The following ITPR2 variants were observed in gnomAD, a reference collection of about 807,000 sequenced individuals.
ITPR2 encodes inositol 1,4,5-trisphosphate receptor type 2, also known as inositol 1,4,5-trisphosphate-gated calcium channel ITPR2.
ITPR2 carries 207 observed loss-of-function variants against 317.1 expected under a neutral mutation model. The ratio of observed to expected loss-of-function variants is 0.65; its 90% confidence interval spans 0.58 to 0.73. ITPR2 has a LOEUF of 0.73. Among genes scored for constraint, ITPR2 ranks in the 30% least tolerant of loss-of-function variants. The pLI is 0.00. For missense variants in ITPR2, 2,613 were observed against 3,284.0 expected, an observed-to-expected ratio of 0.80 and a Z score of 4.99; for synonymous variants, 1,156 against 1,149.1, an observed-to-expected ratio of 1.01 and a Z score of -0.12.
At chr12:26,646,627 A>T (rs965254596) in intron 21 of ITPR2, among the ~76,000 whole-genome samples, 3 of 152,180 alleles carry the variant, frequency 2.0e-5, no homozygotes, top group African/African-American at 7.2e-5. Flanking sequence ...GGTTGGGTCC[A>T]CAGGGCTGTA....
intron 2 of ITPR2, among the ~76,000 whole-genome samples, chr12:26,771,572 C>T (rs1042476466): frequency 5.3e-5 from 8 of 152,084 alleles, no homozygotes; most frequent in East Asian, 1.9e-4. Context: ...TGGAGTGCAG[C>T]GGTGCGATCT....
chr12:26,539,842 AACATG>A (rs1301848794), intron 37 of ITPR2, among the ~76,000 whole-genome samples: 1 of 152,256 alleles, frequency 6.6e-6, no homozygotes, highest in Non-Finnish European at 1.5e-5. Context: ...TGCAAAGTAT[AACATG>A]ACATGATATG....
At chr12:26,772,358 TTTAGCCC>T (rs1230015286) in intron 2 of ITPR2, among the ~76,000 whole-genome samples, 3 of 147,738 alleles carry the variant, frequency 2.0e-5, no homozygotes, top group Non-Finnish European at 4.5e-5. Context: ...TATCTTTTGA[TTTAGCCC>T]TTATCACTTT....
At chr12:26,751,864 T>TAA (rs58449510) in intron 2 of ITPR2, among the ~76,000 whole-genome samples, 4 of 132,938 alleles carry the variant, frequency 3.0e-5, no homozygotes, top group African/African-American at 2.9e-5. Context: ...AGACTCTATC[T>TAA]AAAAAAAAAA....
chr12:26,795,678 G>A (rs1950423141), intron 1 of ITPR2, among the ~76,000 whole-genome samples: 1 of 152,138 alleles, frequency 6.6e-6, no homozygotes, highest in African/African-American at 2.4e-5. Context: ...ATTTGTAGAA[G>A]CATATTATAA....
intron 31 of ITPR2, 25 bp downstream of exon 31, chr12:26,596,858 G>C (rs767000829): frequency 1.3e-6 from 2 of 1,510,504 alleles, no homozygotes; most frequent in Non-Finnish European, 1.8e-6. Flanking sequence ...TTCTATTAGA[G>C]CTGCTAAGCT....
At chr12:26,707,630 C>A (rs564010399) in intron 9 of ITPR2, among the ~76,000 whole-genome samples, 13 of 152,312 alleles carry the variant, frequency 8.5e-5, no homozygotes, top group African/African-American at 3.1e-4. Context: ...CTCCCAGGTT[C>A]AAGCAATTCT....
At chr12:26,764,097 T>C (rs1949679699) in intron 2 of ITPR2, among the ~76,000 whole-genome samples, 1 of 151,950 alleles carries the variant, frequency 6.6e-6, no homozygotes, top group African/African-American at 2.4e-5. Context: ...GGCAATAAAA[T>C]TAAGTAAAGG....
At chr12:26,351,656 A>G (rs1349898783) in intron 55 of ITPR2, among the ~76,000 whole-genome samples, 2 of 152,096 alleles carry the variant, frequency 1.3e-5, no homozygotes, top group South Asian at 2.1e-4. Flanking sequence ...CCCTGTCTCA[A>G]AAAAGGAAGA....
chr12:26,513,883 C>T (rs1039838826), intron 37 of ITPR2, among the ~76,000 whole-genome samples: 4 of 152,186 alleles, frequency 2.6e-5, no homozygotes, highest in South Asian at 4.1e-4. Context: ...ACATGTATGT[C>T]ATCAACTATT....
intron 43 of ITPR2, among the ~76,000 whole-genome samples, chr12:26,478,213 T>C (rs1942459861): frequency 6.6e-6 from 1 of 152,140 alleles, no homozygotes; most frequent in Non-Finnish European, 1.5e-5. Flanking sequence ...ATAGTGACGA[T>C]GATGAAGATG....
At chr12:26,480,465 G>A (rs532465959) in intron 43 of ITPR2, among the ~76,000 whole-genome samples, 1 of 152,258 alleles carries the variant, frequency 6.6e-6, no homozygotes, top group East Asian at 1.9e-4. Context: ...AATTCCTTGT[G>A]TCTTTCTGGG....
chr12:26,395,753 T>C (rs1474687406), intron 54 of ITPR2, among the ~76,000 whole-genome samples: 2 of 152,202 alleles, frequency 1.3e-5, no homozygotes, highest in East Asian at 3.9e-4. Context: ...GTTCTCAGGC[T>C]TGGTTATGCT....
intron 46 of ITPR2, among the ~76,000 whole-genome samples, chr12:26,442,248 G>A (rs1941503145): frequency 6.6e-6 from 1 of 152,082 alleles, no homozygotes; most frequent in South Asian, 2.1e-4. Context: ...AACCTTCTCA[G>A]TGAAATCTAT....
chr12:26,766,975 C>T (rs1264788827), intron 2 of ITPR2, among the ~76,000 whole-genome samples: 1 of 152,096 alleles, frequency 6.6e-6, no homozygotes, highest in Non-Finnish European at 1.5e-5. Context: ...ATATATAATA[C>T]ATCATACATA....
chr12:26,437,971 T>C (rs1466224225), intron 47 of ITPR2, among the ~76,000 whole-genome samples: 2 of 152,034 alleles, frequency 1.3e-5, no homozygotes, highest in Non-Finnish European at 2.9e-5. Context: ...CCGGCTAATT[T>C]TTTGTATTTT....
At chr12:26,427,274 C>T (rs906304804) in intron 49 of ITPR2, among the ~76,000 whole-genome samples, 2 of 152,000 alleles carry the variant, frequency 1.3e-5, no homozygotes, top group African/African-American at 4.8e-5. Context: ...TATGGCTGTG[C>T]CATGCATAAC....
intron 6 of ITPR2, 87 bp from the exon 7 acceptor site, chr12:26,715,922 A>G (rs1948732241): frequency 9.9e-7 from 1 of 1,005,870 alleles, no homozygotes; most frequent in Non-Finnish European, 1.5e-6. Context: ...AAAGGAAATT[A>G]AAGACAATTT....
rs1189351690 is a variant in ITPR2 at position 26,450,658 on chromosome 12, T to C, written c.6343-7008A>G. Among the ~76,000 whole-genome samples, 7 of 152,264 alleles carry C rather than the reference T, an allele frequency of 4.6e-5. No homozygotes were observed. The East Asian group carries it at 1.4e-3, about 29-fold the overall frequency. On this transcript the variant is annotated intron_variant, in intron 45 of 56. Transcript: ENST00000381340. ...TTTAGAAGAAGATCAGCTTCAGGAA[T>C]TCCTAGTAGGGAGAAGCACATTTTC...
Sources: gnomAD v4.1 joint callset for allele counts (sites outside exome capture counted in the v4.1 genomes callset) on GRCh38, gnomAD v4.1.1 for gene constraint, MANE v1.5 for transcripts, NCBI Gene and HGNC (gene_info 2026-07-23, HGNC 2026-07-21) for gene names.